Variants in NEDD9 observed in about 807,000 individuals in gnomAD.
NEDD9 encodes the protein enhancer of filamentation 1.
NEDD9 carries 26 observed loss-of-function variants against 76.6 expected under a neutral mutation model. The ratio of observed to expected loss-of-function variants is 0.34; its 90% CI spans 0.25 to 0.47. The LOEUF is 0.47. Among genes scored for constraint, NEDD9 ranks in the 20% least tolerant of loss-of-function variants. The pLI, the probability that NEDD9 is intolerant of heterozygous loss-of-function variation, is 1.00. For synonymous variants in NEDD9, 392 were observed against 414.2 expected (o/e 0.95, Z 0.65); for missense variants, 937 against 1,058.5 (o/e 0.89, Z 1.59).
chr6:11,308,494 C>G (rs943137268), intron 2 of NEDD9, among the ~76,000 whole-genome samples: 2 of 150,770 alleles, frequency 1.3e-5, no homozygotes, highest in African/African-American at 4.9e-5. Flanking sequence ...CTCAGCCTCC[C>G]GAGTAGCTGG....
At chr6:11,187,835 C>T (rs1244462553) in intron 6 of NEDD9, among the ~76,000 whole-genome samples, 2 of 152,182 alleles carry the variant, frequency 1.3e-5, no homozygotes, top group Admixed American at 1.3e-4. Context: ...AGTTCTAGTT[C>T]TCCCCAGACC....
intron 2 of NEDD9, among the ~76,000 whole-genome samples, chr6:11,329,550 G>A (rs144769825): frequency 1.1e-4 from 17 of 152,294 alleles, no homozygotes; most frequent in South Asian, 6.2e-4. Flanking sequence ...ATGTTACTCT[G>A]AAATTCTTCT....
intron 1 of NEDD9, among the ~76,000 whole-genome samples, chr6:11,365,001 C>G (rs1295612497): frequency 6.6e-6 from 1 of 152,128 alleles, no homozygotes; most frequent in African/African-American, 2.4e-5. Context: ...GTGTAGCAGG[C>G]TGGGCATTCA....
intron 2 of NEDD9, among the ~76,000 whole-genome samples, chr6:11,307,019 A>G (rs1455492946): frequency 6.6e-6 from 1 of 152,214 alleles, no homozygotes; most frequent in African/African-American, 2.4e-5. Context: ...TATTTAAACC[A>G]CACGGGGCAC....
chr6:11,375,629 A>T (rs1043104817), intron 1 of NEDD9, among the ~76,000 whole-genome samples: 1 of 151,992 alleles, frequency 6.6e-6, no homozygotes, highest in East Asian at 1.9e-4. Flanking sequence ...CACTCAGTTA[A>T]CGCACCCAAG....
At position 11,201,013 on chromosome 6, in the gene NEDD9, AGAAATAG is replaced by A. The variant is rs778003109; in HGVS notation, c.460-7328_460-7322del. 25 of 1,614,242 alleles carry A rather than the reference AGAAATAG, an allele frequency of 1.5e-5. No homozygotes were observed. The South Asian group carries it at 2.6e-4, about 17-fold the overall frequency. ...CTGGTTTGTTTAGAGGCTCTCACTA[AGAAATAG>A]GACACTTGCCCATCTCTCTGGAACA... On this transcript the variant is annotated intron_variant, in intron 2 of 6. Coordinates refer to ENST00000379446, the MANE Select transcript of NEDD9 (RefSeq NM_006403.4).
At chr6:11,328,314 G>A (rs370753043) in intron 2 of NEDD9, among the ~76,000 whole-genome samples, 4 of 152,324 alleles carry the variant, frequency 2.6e-5, no homozygotes, top group Admixed American at 6.5e-5. Flanking sequence ...ACTGAGAAAC[G>A]CTGAATACAA....
At chr6:11,187,664 T>C (rs1758013499) in intron 6 of NEDD9, among the ~76,000 whole-genome samples, 1 of 152,160 alleles carries the variant, frequency 6.6e-6, no homozygotes, top group East Asian at 1.9e-4. Context: ...GAAGCCGAGA[T>C]GAAAAGCCAT....
chr6:11,330,245 A>G (rs536555958), intron 2 of NEDD9, among the ~76,000 whole-genome samples: 1 of 152,342 alleles, frequency 6.6e-6, no homozygotes, highest in Non-Finnish European at 1.5e-5. Context: ...TATGACTGAG[A>G]ATCCAAAGTT....
chr6:11,353,660 T>C (rs1469413606), intron 1 of NEDD9, among the ~76,000 whole-genome samples: 9 of 152,242 alleles, frequency 5.9e-5, no homozygotes, highest in African/African-American at 2.2e-4. Context: ...GCCCCACTAC[T>C]AGTTAGAGTC....
Position 11,269,586 on chromosome 6 carries a change from CTCTT to C in NEDD9, c.12+36402_12+36405del, listed in dbSNP as rs201585565. Among the ~76,000 whole-genome samples, 1,441 of 152,184 alleles carry C rather than the reference CTCTT, an allele frequency of 9.5e-3. 69 individuals carry two copies. In the East Asian group the frequency reaches 0.17, roughly 18 times the overall value. ...TGGGGCCATGCACTCAATTAAATAA[CTCTT>C]TTTTTTTCTTTCTGGTGATTTCTTT... On this transcript the variant is annotated intron_variant, in intron 3 of 3. Coordinates refer to the NEDD9 transcript ENST00000397378.
chr6:11,290,306 T>C (rs1760737761), intron 3 of NEDD9, among the ~76,000 whole-genome samples: 4 of 151,980 alleles, frequency 2.6e-5, no homozygotes, highest in Admixed American at 2.6e-4. Flanking sequence ...AGACCTTCAT[T>C]CCCCCCAAAG....
At position 11,189,985 on chromosome 6, in the gene NEDD9, G is replaced by A; in HGVS notation, c.1884C>T (p.Asp628=). Residue 628 remains aspartate, a synonymous_variant, in exon 5 of 7, where the codon GAC becomes GAT. Coordinates refer to ENST00000379446, the MANE Select transcript of NEDD9 (RefSeq NM_006403.4). ...SDGSERSWMD[D]YDYVHLQGKE... Reference sequence around the variant, plus strand: ...TTACCTGTAGGTGGACGTAATCGTAGTCATCCATCCAGCTCCTCTCAGAAC... The same window carrying A: ...TTACCTGTAGGTGGACGTAATCGTAATCATCCATCCAGCTCCTCTCAGAAC... The A allele has an allele frequency of 6.6e-7, 1 of 1,518,658 alleles. No homozygotes were observed. Among genetic ancestry groups the A allele is most frequent in the Non-Finnish European group, 8.8e-7 (1 of 1,134,726 alleles). 94.1% of individuals were successfully genotyped at this position (1,518,658 alleles called of 1,614,324 possible). A position where few individuals can be genotyped will look rare whatever the true frequency, so the allele number is the denominator to read the frequency against.
At chr6:11,288,614 T>G (rs1449441628) in intron 3 of NEDD9, among the ~76,000 whole-genome samples, 2 of 152,254 alleles carry the variant, frequency 1.3e-5, no homozygotes, top group Non-Finnish European at 2.9e-5. Flanking sequence ...GATGCTTCCA[T>G]GTCCAAGGGC....
intron 2 of NEDD9, chr6:11,306,234 A>G: frequency 1.8e-6 from 1 of 570,338 alleles, no homozygotes; most frequent in Admixed American, 3.0e-5. Context: ...TAAGGGTTGC[A>G]TCATAGCAGC....
chr6:11,317,532 C>T lies in NEDD9; in HGVS notation c.-152-11377G>A, dbSNP rs537865233. On this transcript the variant is annotated intron_variant, in intron 2 of 3. Coordinates refer to the NEDD9 transcript ENST00000397378. Reference sequence around the variant, plus strand: ...CCTGAAGGAGAGATTCAGGATGGTGCGTTATTACACAAAGAACAGAGGAAA... The same window carrying T: ...CCTGAAGGAGAGATTCAGGATGGTGTGTTATTACACAAAGAACAGAGGAAA... Among the ~76,000 whole-genome samples the T allele has an allele frequency of 4.1e-4, 63 of 151,994 alleles. 1 individual carries two copies. The highest frequency in any genetic ancestry group is 1.4e-3 in the African/African-American group (56 of 41,460).
intron 3 of NEDD9, among the ~76,000 whole-genome samples, chr6:11,192,984 G>A (rs1263310418): frequency 2.9e-5 from 4 of 139,298 alleles, no homozygotes; most frequent in South Asian, 2.4e-4. Context: ...TATCTACGCT[G>A]TCTGTACTTT....
In NEDD9 at chr6:11,229,932, C is replaced by T. The variant is rs529606412; in HGVS notation, c.12+2572G>A. 3.3e-5 allele frequency among the ~76,000 whole-genome samples: 5 copies of T among 152,250 alleles called. No homozygotes were observed. In the South Asian group the frequency reaches 1.0e-3, roughly 32 times the overall value. On this transcript the variant is annotated intron_variant, in intron 1 of 6. Transcript: ENST00000379446. ...GGTTTGTTGTTCCGTAGTTGTGATC[C>T]CTGGGGCAGCCAAACCAGATAATCA...
rs138633392 is a variant in NEDD9, at chr6:11,324,548, C to T, written c.-153+9953G>A. Among the ~76,000 whole-genome samples, 464 of 152,300 alleles carry T rather than the reference C, an allele frequency of 3.0e-3. 4 individuals are homozygous for T. Among genetic ancestry groups the T allele is most frequent in the East Asian group, 8.1e-3 (42 of 5,188 alleles). On this transcript the variant is annotated intron_variant, in intron 2 of 3. Coordinates refer to the NEDD9 transcript ENST00000397378. ...GATGGGTTTCATGCTCTGCGGCCAC[C>T]GTATTAAAATTGTAATAATTTCCTC...
Sources: allele counts gnomAD v4.1 joint callset (sites outside exome capture counted in the v4.1 genomes callset), GRCh38; gene constraint gnomAD v4.1.1; transcripts MANE v1.5; gene names NCBI Gene and HGNC (gene_info 2026-07-23, HGNC 2026-07-21).